The following CMKLR1 variants were observed in gnomAD, a reference collection of about 807,000 sequenced individuals.
CMKLR1 encodes the protein chemerin-like receptor 1.
Under a neutral mutation model 8.2 loss-of-function variants are expected in CMKLR1, and 6 were observed. The ratio of observed to expected loss-of-function variants is 0.73; its 90% CI spans 0.40 to 1.44. The LOEUF is 1.44. CMKLR1 is among the 40% of genes most tolerant of loss of function. The pLI is 0.02. For missense variants in CMKLR1, 429 were observed against 478.0 expected, an observed-to-expected ratio of 0.90 and a Z score of 0.96; for synonymous variants, 178 against 181.2, an observed-to-expected ratio of 0.98 and a Z score of 0.14.
At chr12:108,317,646 G>A (rs192510844) in intron 2 of CMKLR1, among the ~76,000 whole-genome samples, 1 of 152,322 alleles carries the variant, frequency 6.6e-6, no homozygotes, top group East Asian at 1.9e-4. Context: ...AAAACCACGG[G>A]CCTTAGAATT....
intron 2 of CMKLR1, among the ~76,000 whole-genome samples, chr12:108,303,176 A>C (rs559394977): frequency 6.6e-6 from 1 of 152,328 alleles, no homozygotes; most frequent in East Asian, 1.9e-4. Flanking sequence ...GGCCAAAGGA[A>C]GTAACAACGT....
chr12:108,293,571 A>C lies in CMKLR1; in HGVS notation c.3+18T>G, dbSNP rs1891051068. On this transcript the variant is annotated intron_variant, in intron 3 of 3. Transcript: ENST00000550402. Reference sequence around the variant, plus strand: ...GTCACTGGTGCCCTTTGGAGTTCAGACCACAAGACTTCCTCACCATTCACC... The same window carrying C: ...GTCACTGGTGCCCTTTGGAGTTCAGCCCACAAGACTTCCTCACCATTCACC... 1.3e-6 allele frequency: 2 copies of C among 1,551,336 alleles called. No individual in the cohort carries two copies. The highest frequency in any genetic ancestry group is 1.7e-6 in the Non-Finnish European group (2 of 1,146,984).
At chr12:108,323,187 A>G (rs1387587522) in intron 2 of CMKLR1, among the ~76,000 whole-genome samples, 1 of 152,188 alleles carries the variant, frequency 6.6e-6, no homozygotes, top group Non-Finnish European at 1.5e-5. Flanking sequence ...GACACTGCAA[A>G]ACTAAAACCA....
At chr12:108,311,467 T>C (rs1488978492) in intron 2 of CMKLR1, among the ~76,000 whole-genome samples, 3 of 152,076 alleles carry the variant, frequency 2.0e-5, no homozygotes, top group South Asian at 4.2e-4. Flanking sequence ...AAAATTTTAA[T>C]TTAAAAATTT....
rs1162046807 is a variant in CMKLR1, at chr12:108,329,005, G to GTGGAGAGAAAGATTCTCTTCTCCAAGC, written c.-74+963_-74+989dup. On this transcript the variant is annotated intron_variant, in intron 2 of 3. Transcript: ENST00000550402. ...CACCATTCAATCAAGAAAGCCCCCA[G>GTGGAGAGAAAGATTCTCTTCTCCAAGC]TGGAGAGAAAGATTCTCTTCTCCAA... Among the ~76,000 whole-genome samples the GTGGAGAGAAAGATTCTCTTCTCCAAGC allele has an allele frequency of 3.9e-5, 6 of 152,214 alleles. 1 individual carries two copies. Among genetic ancestry groups the GTGGAGAGAAAGATTCTCTTCTCCAAGC allele is most frequent in the African/African-American group, 1.4e-4 (6 of 41,450 alleles).
At chr12:108,307,029 G>A (rs1012844809) in intron 2 of CMKLR1, among the ~76,000 whole-genome samples, 3 of 151,978 alleles carry the variant, frequency 2.0e-5, no homozygotes, top group Admixed American at 6.5e-5. Context: ...CATAAACACC[G>A]CCCCAGCCCC....
intron 2 of CMKLR1, among the ~76,000 whole-genome samples, chr12:108,327,264 A>T (rs1892000592): frequency 6.6e-6 from 1 of 152,206 alleles, no homozygotes; most frequent in Non-Finnish European, 1.5e-5. Context: ...GATCACTTGA[A>T]GCCAGGAGTT....
intron 2 of CMKLR1, among the ~76,000 whole-genome samples, chr12:108,320,914 A>G (rs1891846596): frequency 6.6e-6 from 1 of 152,234 alleles, no homozygotes; most frequent in Admixed American, 6.5e-5. Context: ...GAACAACAGG[A>G]TGGTATTGTG....
intron 2 of CMKLR1, among the ~76,000 whole-genome samples, chr12:108,309,810 G>A (rs1276289710): frequency 6.6e-6 from 1 of 152,222 alleles, no homozygotes; most frequent in South Asian, 2.1e-4. Context: ...TTGCCATTGA[G>A]TTTGTCCAGG....
intron 2 of CMKLR1, among the ~76,000 whole-genome samples, chr12:108,296,481 T>G (rs1248175820): frequency 6.6e-6 from 1 of 152,120 alleles, no homozygotes; most frequent in African/African-American, 2.4e-5. Flanking sequence ...AGAGGACCAG[T>G]GAGTTCCTGG....
chr12:108,324,321 G>T (rs1891933013), intron 2 of CMKLR1, among the ~76,000 whole-genome samples: 1 of 152,160 alleles, frequency 6.6e-6, no homozygotes, highest in African/African-American at 2.4e-5. Context: ...AGGCTGCCTG[G>T]ATTCAAGCCC....
intron 2 of CMKLR1, among the ~76,000 whole-genome samples, chr12:108,295,541 C>A (rs1165811440): frequency 6.6e-6 from 1 of 152,234 alleles, no homozygotes; most frequent in South Asian, 2.1e-4. Flanking sequence ...GAGGCTGGGG[C>A]AAGACTAGAA....
chr12:108,338,515 C>G (rs528728412), intron 1 of CMKLR1, among the ~76,000 whole-genome samples: 2 of 152,240 alleles, frequency 1.3e-5, no homozygotes, highest in South Asian at 4.1e-4. Context: ...GTAGAGAGGT[C>G]AAGCTGCCAC....
rs2137291752 is a variant in CMKLR1 at position 108,292,536 on chromosome 12, G to A, written c.427C>T (p.Leu143Phe). The A allele has an allele frequency of 6.2e-7, 1 of 1,614,218 alleles. No homozygotes were observed. Among genetic ancestry groups the A allele is most frequent in the Non-Finnish European group, 8.5e-7 (1 of 1,180,048 alleles). The change falls in exon 4 of 4, where the codon CTC becomes TTC. Residue 143 changes from leucine (L) to phenylalanine (F), a missense_variant. Leu to Phe is a conservative substitution (Grantham distance 22). Transcript: ENST00000550402. ...ISSDRCISVL[L>F]PVWSQNHRSV... ...CGGTGGTTCTGGGACCAGACAGGGA[G>A]GAGCACAGAGATGCAGCGGTCAGAG...
chr12:108,304,519 C>A (rs1891356778), intron 2 of CMKLR1, among the ~76,000 whole-genome samples: 1 of 152,162 alleles, frequency 6.6e-6, no homozygotes, highest in Non-Finnish European at 1.5e-5. Context: ...TTCCCTGCTT[C>A]CACCTCTGTC....
intron 2 of CMKLR1, among the ~76,000 whole-genome samples, chr12:108,313,959 C>A (rs183880848): frequency 6.8e-4 from 104 of 152,318 alleles, no homozygotes; most frequent in African/African-American, 2.4e-3. Context: ...CCTTTAATCT[C>A]CGCCAGCACT....
At chr12:108,322,150 G>T (rs1357076870) in intron 2 of CMKLR1, among the ~76,000 whole-genome samples, 1 of 152,216 alleles carries the variant, frequency 6.6e-6, no homozygotes, top group African/African-American at 2.4e-5. Flanking sequence ...AATGTGGAGG[G>T]AGAAGTGGTA....
intron 2 of CMKLR1, among the ~76,000 whole-genome samples, chr12:108,326,278 C>A (rs180785471): frequency 1.3e-5 from 2 of 152,264 alleles, no homozygotes; most frequent in East Asian, 3.9e-4. Context: ...AAGAAGATCC[C>A]CAACCAAAAG....
chr12:108,334,681 G>A (rs901423754), intron 1 of CMKLR1, among the ~76,000 whole-genome samples: 3 of 152,162 alleles, frequency 2.0e-5, no homozygotes, highest in African/African-American at 7.2e-5. Flanking sequence ...ACATTCAAAT[G>A]TGCAGTGGGG....
Sources: allele counts gnomAD v4.1 joint callset (sites outside exome capture counted in the v4.1 genomes callset), GRCh38; gene constraint gnomAD v4.1.1; transcripts MANE v1.5; gene names NCBI Gene and HGNC (gene_info 2026-07-23, HGNC 2026-07-21).